XRRA1: variants seen among roughly 807,000 people sequenced by gnomAD.
XRRA1 encodes the protein X-ray radiation resistance associated 1, also known as X-ray radiation resistance-associated protein 1.
XRRA1 carries 69 observed loss-of-function variants against 80.2 expected under a neutral mutation model. The observed-to-expected ratio is 0.86, with a 90% confidence interval of 0.71 to 1.05. The LOEUF (loss-of-function observed/expected upper bound fraction) is 1.05. XRRA1 is among the 50% of genes least tolerant of loss of function. The pLI is 0.00. For synonymous variants in XRRA1, 348 were observed against 389.9 expected, an observed-to-expected ratio of 0.89 and a Z score of 1.27; for missense variants, 967 against 976.4, an observed-to-expected ratio of 0.99 and a Z score of 0.13.
intron 8 of XRRA1, among the ~76,000 whole-genome samples, chr11:74,912,592 G>A (rs554647629): frequency 4.6e-5 from 7 of 152,304 alleles, no homozygotes; most frequent in African/African-American, 1.7e-4. Flanking sequence ...TGCAGAGACT[G>A]AAGACTAGCT....
chr11:74,927,592 C>A, intron 6 of XRRA1, 104 bp from the exon 7 acceptor site: 1 of 752,160 alleles, frequency 1.3e-6, no homozygotes, highest in Non-Finnish European at 2.2e-6. Context: ...AGGCCAGGCA[C>A]TGTATAAGGT....
At chr11:74,869,197 C>T (rs1398716084) in intron 10 of XRRA1, among the ~76,000 whole-genome samples, 4 of 152,078 alleles carry the variant, frequency 2.6e-5, no homozygotes, top group African/African-American at 9.7e-5. Context: ...GAAAATTGCT[C>T]AAAACCATAT....
chr11:74,856,434 T>C (rs7115861), intron 12 of XRRA1, among the ~76,000 whole-genome samples: 3,734 of 152,194 alleles, frequency 0.025, 162 homozygotes, highest in African/African-American at 0.085. Flanking sequence ...AATCATAACT[T>C]TTCTTGAGTC....
intron 10 of XRRA1, among the ~76,000 whole-genome samples, chr11:74,871,744 G>A (rs551495891): frequency 2.0e-5 from 3 of 152,288 alleles, no homozygotes; most frequent in South Asian, 2.1e-4. Context: ...TGGAGGTGAT[G>A]CCACTAGGGT....
chr11:74,927,116 C>A (rs1205401287), intron 7 of XRRA1, among the ~76,000 whole-genome samples: 2 of 152,222 alleles, frequency 1.3e-5, no homozygotes, highest in Non-Finnish European at 2.9e-5. Context: ...CTCCCTTGGA[C>A]ATGACCTTTG....
Position 74,851,137 on chromosome 11 carries a change from A to G in XRRA1, c.1331T>C (p.Ile444Thr), listed in dbSNP as rs370520559. The part of the protein sequence containing the change: ...RLGIHLIRRK[I>T]VKPKHHVLMS... ...CAAAACATGATGCTTAGGCTTTACT[A>G]TCTTCCTTCGAATTAAGTGGATTCC... Residue 444 changes from isoleucine to threonine, a missense_variant, in exon 14 of 19, where the codon ATA becomes ACA. Coordinates refer to ENST00000684022, the MANE Select transcript of XRRA1 (RefSeq NM_001378157.1). 50 of 1,612,966 alleles carry G rather than the reference A, an allele frequency of 3.1e-5. No homozygotes were observed. The highest frequency in any genetic ancestry group is 4.5e-5 in the East Asian group (2 of 44,878).
chr11:74,886,134 T>TC (rs1254723665), intron 10 of XRRA1, among the ~76,000 whole-genome samples: 1 of 152,126 alleles, frequency 6.6e-6, no homozygotes, highest in Non-Finnish European at 1.5e-5. Context: ...CTGGAAGCAT[T>TC]CCCCTTGAGA....
Position 74,845,212 on chromosome 11 carries a change from G to T in XRRA1, c.1788C>A (p.Asp596Glu). Residue 596 changes from aspartate (D) to glutamate (E), a missense_variant, in exon 16 of 19, where the codon GAC becomes GAA. By Grantham distance (45) the Asp-to-Glu change is conservative (BLOSUM62 2). Transcript: ENST00000684022. ...HKDDLELKEK[D>E]QKKPPTAPRE... The stretch of plus-strand genomic sequence containing the variant: ...TGGGTGCCGTTGGTGGTTTCTTTTG[G>T]TCTTTCTCCTTTAACTCTAAATCAT... 6.2e-7 allele frequency: 1 copy of T among 1,614,036 alleles called. No homozygotes were observed. The highest frequency in any genetic ancestry group is 8.5e-7 in the Non-Finnish European group (1 of 1,179,902).
chr11:74,855,432 T>G (rs1024918686), intron 12 of XRRA1, among the ~76,000 whole-genome samples: 5 of 152,190 alleles, frequency 3.3e-5, no homozygotes, highest in African/African-American at 1.2e-4. Flanking sequence ...AGGTCATGTG[T>G]GTGGTATTTT....
intron 10 of XRRA1, among the ~76,000 whole-genome samples, chr11:74,888,314 T>C (rs942356084): frequency 6.6e-6 from 1 of 152,064 alleles, no homozygotes; most frequent in African/African-American, 2.4e-5. Flanking sequence ...GCAAACAGGG[T>C]CTAGAGTGGA....
chr11:74,859,397 T>C, intron 11 of XRRA1, 114 bp from the exon 12 acceptor site: 3 of 1,250,970 alleles, frequency 2.4e-6, no homozygotes, highest in South Asian at 3.0e-5. Context: ...CTAGAGAGAC[T>C]TGGCCAAAAG....
At chr11:74,870,321 G>A (rs1328008034) in intron 10 of XRRA1, among the ~76,000 whole-genome samples, 1 of 152,140 alleles carries the variant, frequency 6.6e-6, no homozygotes, top group Non-Finnish European at 1.5e-5. Context: ...TCCTGGCCAG[G>A]GCTACACCCA....
chr11:74,948,611 A>G (rs1196048497), intron 1 of XRRA1, among the ~76,000 whole-genome samples: 1 of 152,204 alleles, frequency 6.6e-6, no homozygotes, highest in Non-Finnish European at 1.5e-5. Flanking sequence ...GTTCAGATAC[A>G]TGCTATCTGG....
At chr11:74,885,179 G>C (rs528869590) in intron 10 of XRRA1, among the ~76,000 whole-genome samples, 25 of 152,146 alleles carry the variant, frequency 1.6e-4, no homozygotes, top group Admixed American at 5.2e-4. Flanking sequence ...TGGGAGGATT[G>C]CTTGAGTATG....
intron 4 of XRRA1, among the ~76,000 whole-genome samples, 160 bp downstream of exon 4, chr11:74,936,724 T>C (rs532258786): frequency 1.3e-5 from 2 of 152,224 alleles, no homozygotes; most frequent in Admixed American, 6.5e-5. Flanking sequence ...CAAGAAACTT[T>C]TGGGTCCCTT....
intron 10 of XRRA1, among the ~76,000 whole-genome samples, chr11:74,875,185 G>A (rs939735640): frequency 6.6e-6 from 1 of 152,170 alleles, no homozygotes; most frequent in Non-Finnish European, 1.5e-5. Flanking sequence ...TAGCAGTGAT[G>A]CATTGTAGGA....
At chr11:74,864,315 G>C (rs1270470216) in intron 10 of XRRA1, among the ~76,000 whole-genome samples, 2 of 152,158 alleles carry the variant, frequency 1.3e-5, no homozygotes, top group Non-Finnish European at 2.9e-5. Context: ...TAAAATGGAA[G>C]ACTGAGTGGA....
In XRRA1 at chr11:74,936,987, C is replaced by T. The variant is rs568448772; in HGVS notation, c.176G>A (p.Arg59Gln). The T allele has an allele frequency of 1.1e-5, 17 of 1,613,828 alleles. No individual in the cohort carries two copies. The highest frequency in any genetic ancestry group is 3.3e-5 in the Admixed American group (2 of 59,970). ...AAAAGAAGTCGCCTTCAGGCTTTCC[C>T]GACGTTCAGCTTGTGCTCCAACCAA... ...KGLVGAQAER[R>Q]ESLKATSFEF... Residue 59 changes from arginine (R) to glutamine (Q), a missense_variant, in exon 4 of 19, where the codon CGG becomes CAG. Transcript: ENST00000684022.
At chr11:74,906,135 A>G (rs1381569361) in intron 10 of XRRA1, 104 bp downstream of exon 10, 1 of 1,082,690 alleles carries the variant, frequency 9.2e-7, no homozygotes, top group Non-Finnish European at 1.3e-6. Context: ...CAGCAAATTC[A>G]ATTCGTGATA....
Sources: gnomAD v4.1 joint callset for allele counts (sites outside exome capture counted in the v4.1 genomes callset) on GRCh38, gnomAD v4.1.1 for gene constraint, MANE v1.5 for transcripts, NCBI Gene and HGNC (gene_info 2026-07-23, HGNC 2026-07-21) for gene names.